The following POGLUT2 variants were observed in gnomAD, a reference collection of about 807,000 sequenced individuals.
The protein encoded by POGLUT2 is protein O-glucosyltransferase 2.
POGLUT2 carries 47 observed loss-of-function variants against 57.6 expected under a neutral mutation model. The observed-to-expected ratio is 0.82, with a 90% CI of 0.65 to 1.04. The LOEUF (loss-of-function observed/expected upper bound fraction) is 1.04, where lower values mean the gene tolerates loss of function less well. POGLUT2 is among the 50% of genes least tolerant of loss of function. The pLI is 0.00. For synonymous variants in POGLUT2, 200 were observed against 218.8 expected, an observed-to-expected ratio of 0.91 and a Z score of 0.76; for missense variants, 565 against 614.8, an observed-to-expected ratio of 0.92 and a Z score of 0.86.
intron 2 of POGLUT2, among the ~76,000 whole-genome samples, chr13:102,796,309 A>AAT (rs1555319538): frequency 0.014 from 1,721 of 125,950 alleles, 20 homozygotes; most frequent in East Asian, 0.034. Flanking sequence ...AAAAAAAAAA[A>AAT]AAATAAATAA....
chr13:102,792,139 A>G, intron 4 of POGLUT2: 1 of 1,225,972 alleles, frequency 8.2e-7, no homozygotes. Context: ...ATAACTACCT[A>G]CATTCAGAAT....
At chr13:102,787,750 T>C (rs1300990817) in intron 8 of POGLUT2, 84 bp downstream of exon 8, 1 of 672,334 alleles carries the variant, frequency 1.5e-6, no homozygotes, top group South Asian at 2.8e-5. Context: ...GTAACATATG[T>C]TTAGAAATTG....
In POGLUT2 at chr13:102,793,793, A is replaced by G; in HGVS notation, c.402T>C (p.His134=). The change falls in exon 3 of 10, where the codon CAT becomes CAC. Residue 134 remains histidine (H), a synonymous_variant. Coordinates refer to ENST00000376004, the MANE Select transcript of POGLUT2 (RefSeq NM_024089.3). ...CTTGCAGAGGACAGTCACAGTTCTCATGGTAAACCGGCCCTATTTACATAA... is the reference window on the plus strand; with the variant it reads ...CTTGCAGAGGACAGTCACAGTTCTCGTGGTAAACCGGCCCTATTTACATAA... ...SPYILKGPVY[H]ENCDCPLQDS... 6.2e-7 allele frequency: 1 copy of G among 1,614,134 alleles called. No homozygotes were observed. The highest frequency in any genetic ancestry group is 1.3e-5 in the African/African-American group (1 of 75,072).
rs1326049028 is a variant in POGLUT2 at position 102,798,463 on chromosome 13, A to G, written c.182+26T>C. ...AACAGATTTAACCGCCATCCAAAATAGGTAAGGAGCCGTTTCTCGACTTAC... is the reference window on the plus strand; with the variant it reads ...AACAGATTTAACCGCCATCCAAAATGGGTAAGGAGCCGTTTCTCGACTTAC... On this transcript the variant is annotated intron_variant, in intron 1 of 9. Transcript: ENST00000376004. 8 of 1,512,474 alleles carry G rather than the reference A, an allele frequency of 5.3e-6. No homozygotes were observed. The South Asian group carries it at 7.6e-5, about 14-fold the overall frequency. The allele number at this position is 1,512,474 out of a possible 1,614,324, so 93.7% of individuals were successfully genotyped here. A position where few individuals can be genotyped will look rare whatever the true frequency, so the allele number is the denominator to read the frequency against.
chr13:102,788,935 C>T, intron 7 of POGLUT2, 77 bp downstream of exon 7: 1 of 1,243,234 alleles, frequency 8.0e-7, no homozygotes, highest in Non-Finnish European at 1.2e-6. Context: ...GGATGCTCTC[C>T]AGGTACAATA....
rs1003890853 is a variant in POGLUT2, at chr13:102,794,194, G to A, written c.389-388C>T. On this transcript the variant is annotated intron_variant, in intron 2 of 9. Coordinates refer to ENST00000376004, the MANE Select transcript of POGLUT2 (RefSeq NM_024089.3). Reference sequence around the variant, plus strand: ...TGAAGCTGCAGTGAGCCATGTTTGCGCCACTCCATCCTGGGCAAGACAGTG... The same window carrying A: ...TGAAGCTGCAGTGAGCCATGTTTGCACCACTCCATCCTGGGCAAGACAGTG... Among the ~76,000 whole-genome samples the A allele has an allele frequency of 4.6e-5, 7 of 151,894 alleles. No individual in the cohort carries two copies. In the East Asian group the frequency reaches 9.6e-4, roughly 21 times the overall value.
intron 2 of POGLUT2, 130 bp from the exon 3 acceptor site, chr13:102,793,936 C>T (rs563383982): frequency 1.3e-6 from 1 of 791,060 alleles, no homozygotes; most frequent in Non-Finnish European, 2.0e-6. Context: ...TCATTGAAAA[C>T]ACATTTTAAG....
chr13:102,787,866 C>T lies in POGLUT2; in HGVS notation c.1351G>A (p.Asp451Asn). Residue 451 changes from aspartate (D) to asparagine (N), a missense_variant, in exon 8 of 10, where the codon GAC (aspartate) becomes AAC (asparagine). Asp to Asn is a conservative substitution (Grantham distance 23, BLOSUM62 1). Coordinates refer to ENST00000376004, the MANE Select transcript of POGLUT2 (RefSeq NM_024089.3). Reference sequence around the variant, plus strand: ...AGTTTGAAATAATAACAGAATATGTCATCGCCCATGAGATTATTTCTTGCA... The same window carrying T: ...AGTTTGAAATAATAACAGAATATGTTATCGCCCATGAGATTATTTCTTGCA... ...EFARNNLMGD[D>N]IFCYYFKLFQ... The T allele has an allele frequency of 6.3e-7, 1 of 1,594,066 alleles. No individual in the cohort carries two copies. The highest frequency in any genetic ancestry group is 8.6e-7 in the Non-Finnish European group (1 of 1,166,418).
rs768975095 is a variant in POGLUT2 at position 102,787,869 on chromosome 13, C to T, written c.1348G>A (p.Asp450Asn). The change falls in exon 8 of 10, where the codon GAT becomes AAT. Residue 450 changes from aspartate to asparagine, a missense_variant. By Grantham distance (23) the Asp-to-Asn change is conservative (BLOSUM62 1). Coordinates refer to ENST00000376004, the MANE Select transcript of POGLUT2 (RefSeq NM_024089.3). ...TTGAAATAATAACAGAATATGTCAT[C>T]GCCCATGAGATTATTTCTTGCAAAT... ...QEFARNNLMGDDIFCYYFKLF... is the reference protein window; with the variant it reads ...QEFARNNLMGNDIFCYYFKLF... The T allele has an allele frequency of 8.4e-5, 134 of 1,594,008 alleles. 1 individual carries two copies. The highest frequency in any genetic ancestry group is 7.9e-4 in the South Asian group (70 of 88,602).
At chr13:102,789,492 A>G (rs1878086611) in intron 6 of POGLUT2, among the ~76,000 whole-genome samples, 1 of 152,240 alleles carries the variant, frequency 6.6e-6, no homozygotes, top group Non-Finnish European at 1.5e-5. Flanking sequence ...AGGCTGCAAC[A>G]TAAGGAAGGA....
Position 102,796,251 on chromosome 13 carries a change from C to A in POGLUT2, c.388+553G>T, listed in dbSNP as rs1029111778. Among the ~76,000 whole-genome samples the A allele has an allele frequency of 4.8e-5, 7 of 146,240 alleles. No individual in the cohort carries two copies. In the East Asian group the frequency reaches 1.2e-3, roughly 25 times the overall value. On this transcript the variant is annotated intron_variant, in intron 2 of 9. Transcript: ENST00000376004. Reference sequence around the variant, plus strand: ...CGGAGCTTGCAGTGAGCCAAGACTGCGCCATTGCACTCCAGCCTTGTGACA... The same window carrying A: ...CGGAGCTTGCAGTGAGCCAAGACTGAGCCATTGCACTCCAGCCTTGTGACA...
intron 2 of POGLUT2, among the ~76,000 whole-genome samples, chr13:102,796,288 T>A: frequency 8.7e-6 from 1 of 115,074 alleles, no homozygotes; most frequent in African/African-American, 3.9e-5. Context: ...AGCGAGACTC[T>A]GCCTCAAAAA....
intron 1 of POGLUT2, 78 bp downstream of exon 1, chr13:102,798,411 C>A (rs1400828225): frequency 2.2e-6 from 3 of 1,374,618 alleles, no homozygotes; most frequent in Admixed American, 2.4e-5. Flanking sequence ...GAAACGAGTT[C>A]TTGGAAAGAA....
At chr13:102,794,038 G>C (rs377230033) in intron 2 of POGLUT2, among the ~76,000 whole-genome samples, 3 of 151,954 alleles carry the variant, frequency 2.0e-5, no homozygotes, top group African/African-American at 7.3e-5. Flanking sequence ...AGGAGTTCGG[G>C]AGCAGCCTGG....
rs937071796 is a variant in POGLUT2 at position 102,786,319 on chromosome 13, C to G, written c.1404G>C (p.Val468=). 6.2e-7 allele frequency: 1 copy of G among 1,613,194 alleles called. No individual in the cohort carries two copies. Among genetic ancestry groups the G allele is most frequent in the Non-Finnish European group, 8.5e-7 (1 of 1,179,244 alleles). Residue 468 remains valine, a synonymous_variant, in exon 9 of 10, where the codon GTG becomes GTC. Transcript: ENST00000376004. Reference sequence around the variant, plus strand: ...TGCCCTCTCGGATTTGGGGCTCACTCACTTGTAAATTGGCATATTCCTGTT... The same window carrying G: ...TGCCCTCTCGGATTTGGGGCTCACTGACTTGTAAATTGGCATATTCCTGTT... ...KLFQEYANLQ[V]SEPQIREGMK... is the part of the protein sequence containing the mutation.
chr13:102,796,595 C>T (rs924077134), intron 2 of POGLUT2, among the ~76,000 whole-genome samples: 6 of 149,328 alleles, frequency 4.0e-5, no homozygotes, highest in African/African-American at 1.5e-4. Context: ...TTTAGCAAAT[C>T]AGAATTTCCG....
chr13:102,788,932 C>T, intron 7 of POGLUT2, 80 bp downstream of exon 7: 1 of 1,210,030 alleles, frequency 8.3e-7, no homozygotes, highest in East Asian at 2.3e-5. Flanking sequence ...CCTGGATGCT[C>T]TCCAGGTACA....
intron 1 of POGLUT2, among the ~76,000 whole-genome samples, 195 bp downstream of exon 1, chr13:102,798,294 A>G (rs1293920290): frequency 6.6e-6 from 1 of 152,266 alleles, no homozygotes; most frequent in Non-Finnish European, 1.5e-5. Flanking sequence ...ATTATTTTAT[A>G]TGTTATATAC....
chr13:102,798,753 G>A lies in POGLUT2; in HGVS notation c.-83C>T, dbSNP rs1878554459. On this transcript the variant is annotated 5_prime_UTR_variant, in exon 1 of 10. Transcript: ENST00000376004. ...CAGAAGCAGCCGAGCCTTCGGCAGG[G>A]ACCCGCCGGCCGATCGCAGCAGCCA... is the stretch of plus-strand genomic sequence containing the variant. 7.3e-7 allele frequency: 1 copy of A among 1,363,112 alleles called. No individual in the cohort carries two copies. The highest frequency in any genetic ancestry group is 1.5e-5 in the South Asian group (1 of 66,074). The allele number at this position is 1,363,112 out of a possible 1,614,324, so 84.4% of individuals were successfully genotyped here.
Sources: allele counts gnomAD v4.1 joint callset (sites outside exome capture counted in the v4.1 genomes callset), GRCh38; gene constraint gnomAD v4.1.1; transcripts MANE v1.5; gene names NCBI Gene and HGNC (gene_info 2026-07-23, HGNC 2026-07-21).